LUZP2: variants seen among roughly 807,000 people sequenced by gnomAD.
The protein encoded by LUZP2 is leucine zipper protein 2.
LUZP2 carries 52 observed loss-of-function variants against 51.6 expected under a neutral mutation model. That is an observed-to-expected ratio of 1.01 (90% CI 0.81 to 1.27). The LOEUF (loss-of-function observed/expected upper bound fraction) is 1.27. Ranked by LOEUF, LUZP2 falls within the 50% of genes most tolerant of loss-of-function variation. The pLI, the probability that LUZP2 is intolerant of heterozygous loss-of-function variation, is 0.00. For synonymous variants in LUZP2, 154 were observed against 137.3 expected (o/e 1.12, Z -0.85); for missense variants, 436 against 395.4 (o/e 1.10, Z -0.87).
At chr11:25,054,843 T>G (rs905977389) in intron 10 of LUZP2, among the ~76,000 whole-genome samples, 1 of 152,104 alleles carries the variant, frequency 6.6e-6, no homozygotes, top group Admixed American at 6.6e-5. Flanking sequence ...GTCTACAATT[T>G]AAAGTACTGT....
chr11:24,790,105 ACTCT>A (rs916822157), intron 5 of LUZP2, among the ~76,000 whole-genome samples: 9 of 151,832 alleles, frequency 5.9e-5, no homozygotes, highest in Non-Finnish European at 1.0e-4. Context: ...CATAAATTTC[ACTCT>A]CTCTTTCATA....
intron 9 of LUZP2, among the ~76,000 whole-genome samples, chr11:25,018,055 T>TTTTTTTCTG (rs1857213003): frequency 7.1e-6 from 1 of 140,020 alleles, no homozygotes; most frequent in Non-Finnish European, 1.5e-5. Flanking sequence ...TTTGTTTTTT[T>TTTTTTTCTG]TTTTGCAGCT....
At chr11:25,023,044 G>A (rs758949194) in intron 9 of LUZP2, among the ~76,000 whole-genome samples, 15 of 152,072 alleles carry the variant, frequency 9.9e-5, no homozygotes, top group Admixed American at 2.6e-4. Flanking sequence ...TGCTGGATTC[G>A]GTTTGCCAGC....
intron 1 of LUZP2, among the ~76,000 whole-genome samples, chr11:24,507,187 G>A (rs1850168867): frequency 6.6e-6 from 1 of 151,918 alleles, no homozygotes; most frequent in Admixed American, 6.6e-5. Context: ...ACATATTTCA[G>A]TTCCTACCCT....
chr11:24,774,383 CAT>C (rs1476126327), intron 5 of LUZP2, among the ~76,000 whole-genome samples: 86 of 83,046 alleles, frequency 1.0e-3, no homozygotes, highest in South Asian at 3.1e-3. Flanking sequence ...TATATATATA[CAT>C]ACACACACAC....
In LUZP2 at chr11:24,522,078, G is replaced by A. The variant is rs113562197; in HGVS notation, c.62+24773G>A. On this transcript the variant is annotated intron_variant, in intron 1 of 11. Coordinates refer to ENST00000336930, the MANE Select transcript of LUZP2 (RefSeq NM_001009909.4). ...CTACAAATAAAAATGGCTACCTTTC[G>A]TAGGAGGATATACTGAGAAAGAACA... Among the ~76,000 whole-genome samples, 288 of 152,194 alleles carry A rather than the reference G, an allele frequency of 1.9e-3. 2 individuals are homozygous for A. The highest frequency in any genetic ancestry group is 6.7e-3 in the African/African-American group (279 of 41,540).
chr11:24,757,588 G>A (rs1399540061), intron 4 of LUZP2, among the ~76,000 whole-genome samples: 2 of 151,658 alleles, frequency 1.3e-5, no homozygotes, highest in South Asian at 2.1e-4. Context: ...ATGTACTAAC[G>A]AAAGAGAATT....
Position 25,079,681 on chromosome 11 carries a change from A to G in LUZP2, c.*1023A>G, listed in dbSNP as rs191201728. ...AATTGGAAGATAGCTCACAAGCAAGAGGAATTGACCCTTGAATAATTATCT... is the reference window on the plus strand; with the variant it reads ...AATTGGAAGATAGCTCACAAGCAAGGGGAATTGACCCTTGAATAATTATCT... On this transcript the variant is annotated 3_prime_UTR_variant, in exon 12 of 12. Transcript: ENST00000336930. 1.3e-5 allele frequency: 2 copies of G among 152,318 alleles called. No individual in the cohort carries two copies. The highest frequency in any genetic ancestry group is 4.8e-5 in the African/African-American group (2 of 41,592). The allele number at this position is 152,318 out of a possible 1,614,324, so 9.4% of individuals were successfully genotyped here.
intron 1 of LUZP2, among the ~76,000 whole-genome samples, chr11:24,502,129 C>T (rs990486265): frequency 1.5e-4 from 21 of 140,000 alleles, no homozygotes; most frequent in African/African-American, 6.5e-4. Context: ...AGCATATTCC[C>T]TAAGTACTCA....
chr11:24,682,614 G>A (rs1415705150), intron 1 of LUZP2, among the ~76,000 whole-genome samples: 1 of 98,910 alleles, frequency 1.0e-5, no homozygotes, highest in African/African-American at 3.6e-5. Flanking sequence ...ATATGTGTAT[G>A]TGTATATATA....
At chr11:24,994,055 T>G (rs2133930721) in intron 9 of LUZP2, among the ~76,000 whole-genome samples, 1 of 152,276 alleles carries the variant, frequency 6.6e-6, no homozygotes, top group South Asian at 2.1e-4. Flanking sequence ...AAGATGGGGT[T>G]TCACCATGTT....
intron 7 of LUZP2, among the ~76,000 whole-genome samples, chr11:24,918,457 T>G (rs962810156): frequency 9.9e-5 from 15 of 151,634 alleles, no homozygotes; most frequent in Non-Finnish European, 2.1e-4. Flanking sequence ...ATTCAGTAGG[T>G]TTGCACATGA....
intron 9 of LUZP2, among the ~76,000 whole-genome samples, chr11:24,985,995 G>A (rs1856177970): frequency 6.6e-6 from 1 of 151,620 alleles, no homozygotes; most frequent in Admixed American, 6.6e-5. Context: ...CTAACAGAGG[G>A]AATGTTTATG....
intron 7 of LUZP2, among the ~76,000 whole-genome samples, chr11:24,929,824 G>A (rs1218819471): frequency 6.6e-6 from 1 of 152,054 alleles, no homozygotes; most frequent in Non-Finnish European, 1.5e-5. Flanking sequence ...GGGTACTGAA[G>A]TGTTCTACTA....
chr11:24,821,364 C>A (rs958941578), intron 5 of LUZP2, among the ~76,000 whole-genome samples: 1 of 152,108 alleles, frequency 6.6e-6, no homozygotes, highest in African/African-American at 2.4e-5. Context: ...TAAGTACATT[C>A]CGTTCTCCAG....
chr11:24,874,384 C>G (rs1480127158), intron 5 of LUZP2, among the ~76,000 whole-genome samples: 1 of 152,142 alleles, frequency 6.6e-6, no homozygotes, highest in Non-Finnish European at 1.5e-5. Flanking sequence ...TATGCCACCT[C>G]TCACAGTGTC....
chr11:25,016,052 C>G (rs1372074016), intron 9 of LUZP2, among the ~76,000 whole-genome samples: 1 of 151,860 alleles, frequency 6.6e-6, no homozygotes, highest in African/African-American at 2.4e-5. Flanking sequence ...TCCTGAGTAG[C>G]TGGGACTACA....
intron 4 of LUZP2, among the ~76,000 whole-genome samples, chr11:24,754,454 A>C (rs1196056358): frequency 6.6e-6 from 1 of 152,182 alleles, no homozygotes; most frequent in Non-Finnish European, 1.5e-5. Context: ...AAGTTGAGAC[A>C]ACAAATTTGA....
At chr11:25,030,572 T>G (rs954822083) in intron 9 of LUZP2, among the ~76,000 whole-genome samples, 3 of 151,792 alleles carry the variant, frequency 2.0e-5, no homozygotes, top group Admixed American at 2.0e-4. Flanking sequence ...TTCCATTCCA[T>G]GTACTCACCA....
Sources: allele counts gnomAD v4.1 joint callset (sites outside exome capture counted in the v4.1 genomes callset), GRCh38; gene constraint gnomAD v4.1.1; transcripts MANE v1.5; gene names NCBI Gene and HGNC (gene_info 2026-07-23, HGNC 2026-07-21).